Variants in CORIN observed in about 807,000 individuals in gnomAD.
CORIN encodes the protein corin, serine peptidase.
Under a neutral mutation model 125.3 loss-of-function variants are expected in CORIN, and 117 were observed. The ratio of observed to expected loss-of-function variants is 0.93; its 90% CI spans 0.80 to 1.09. The LOEUF is 1.09. CORIN is among the 50% of genes least tolerant of loss of function. The pLI is 0.00. For synonymous variants in CORIN, 450 were observed against 466.4 expected (o/e 0.96, Z 0.45); for missense variants, 1,253 against 1,306.7 (o/e 0.96, Z 0.63).
intron 3 of CORIN, among the ~76,000 whole-genome samples, chr4:47,785,679 C>T (rs1213872387): frequency 2.0e-5 from 3 of 151,992 alleles, no homozygotes; most frequent in African/African-American, 2.4e-5. Context: ...TTTGGGAGGC[C>T]GAGGCGGGTG....
chr4:47,789,348 T>G (rs1329318559), intron 2 of CORIN, among the ~76,000 whole-genome samples: 1 of 152,142 alleles, frequency 6.6e-6, no homozygotes, highest in Admixed American at 6.5e-5. Flanking sequence ...CTTCATAACA[T>G]CTGTTTATCC....
intron 2 of CORIN, among the ~76,000 whole-genome samples, chr4:47,788,116 G>A (rs1309658221): frequency 4.6e-5 from 7 of 152,252 alleles, no homozygotes; most frequent in East Asian, 1.9e-4. Flanking sequence ...AGCATGCCAC[G>A]AAAATAAATG....
chr4:47,649,160 T>C (rs758362447), intron 13 of CORIN, among the ~76,000 whole-genome samples: 4 of 152,240 alleles, frequency 2.6e-5, no homozygotes, highest in African/African-American at 9.6e-5. Flanking sequence ...GCCATTGTTA[T>C]GGCATGCTCT....
At chr4:47,692,908 T>A (rs767902749) in intron 6 of CORIN, 62 bp downstream of exon 6, 4 of 1,251,724 alleles carry the variant, frequency 3.2e-6, no homozygotes, top group Non-Finnish European at 4.7e-6. Flanking sequence ...CAAATGCTGA[T>A]GATTGTCAGG....
chr4:47,673,248 T>C (rs1724851536), intron 10 of CORIN, among the ~76,000 whole-genome samples: 1 of 151,782 alleles, frequency 6.6e-6, no homozygotes. Context: ...TGGTGGTGTG[T>C]GCCTATAATC....
At chr4:47,796,995 C>T (rs531703801) in intron 2 of CORIN, among the ~76,000 whole-genome samples, 1 of 152,002 alleles carries the variant, frequency 6.6e-6, no homozygotes, top group African/African-American at 2.4e-5. Flanking sequence ...TGTTTCATGC[C>T]TTCTTCCCTC....
At chr4:47,661,930 CAA>C (rs1331262854) in intron 11 of CORIN, 74 bp from the exon 12 acceptor site, 11 of 1,413,580 alleles carry the variant, frequency 7.8e-6, no homozygotes, top group African/African-American at 7.2e-5. Context: ...AAATTTATGT[CAA>C]GTTTTAATTC....
intron 2 of CORIN, among the ~76,000 whole-genome samples, chr4:47,798,168 A>G (rs1462939529): frequency 6.6e-6 from 1 of 152,084 alleles, no homozygotes; most frequent in Non-Finnish European, 1.5e-5. Context: ...ACAATTTACT[A>G]CTGCTTTCTT....
At chr4:47,680,586 G>C (rs1056121211) in intron 7 of CORIN, 1 of 223,432 alleles carries the variant, frequency 4.5e-6, no homozygotes, top group African/African-American at 2.3e-5. Context: ...TTTCTACCCT[G>C]GTTCAAAAAA....
intron 19 of CORIN, among the ~76,000 whole-genome samples, chr4:47,604,430 C>A (rs1354531543): frequency 6.6e-6 from 1 of 152,210 alleles, no homozygotes; most frequent in African/African-American, 2.4e-5. Context: ...AAATGTATAT[C>A]TCCAGCTCTG....
At chr4:47,605,251 C>G (rs1241163506) in intron 19 of CORIN, among the ~76,000 whole-genome samples, 1 of 152,164 alleles carries the variant, frequency 6.6e-6, no homozygotes, top group Non-Finnish European at 1.5e-5. Context: ...TGTCTATTCT[C>G]TGTCTTGGCC....
chr4:47,798,425 A>T (rs1560554013), intron 2 of CORIN, among the ~76,000 whole-genome samples: 2 of 152,290 alleles, frequency 1.3e-5, no homozygotes, highest in Middle Eastern at 3.4e-3. Context: ...AGCATCCCTT[A>T]GCAACCCTAA....
At chr4:47,798,221 C>T (rs1015545844) in intron 2 of CORIN, among the ~76,000 whole-genome samples, 1 of 152,156 alleles carries the variant, frequency 6.6e-6, no homozygotes, top group African/African-American at 2.4e-5. Context: ...ACCCACCTCT[C>T]GTATCTTCAG....
At position 47,661,766 on chromosome 4, in the gene CORIN, A is replaced by C. The variant is rs750547952; in HGVS notation, c.1680T>G (p.Phe560Leu). Residue 560 changes from phenylalanine (F) to leucine (L), a missense_variant, in exon 12 of 22, where the codon TTT becomes TTG. Transcript: ENST00000273857. Reference sequence around the variant, plus strand: ...TTTGATTGTCTGAATTTTCCTCTGGAAATTGACTGCAATCTGTGTCTTCAG... The same window carrying C: ...TTTGATTGTCTGAATTTTCCTCTGGCAATTGACTGCAATCTGTGTCTTCAG... ...QWPEDTDCSQ[F>L]PEENSDNQTC... 1 of 1,613,774 alleles carries C rather than the reference A, an allele frequency of 6.2e-7. No individual in the cohort carries two copies. The highest frequency in any genetic ancestry group is 1.7e-5 in the Admixed American group (1 of 60,002).
rs570917563 is a variant in CORIN, at chr4:47,594,697, C to T, written c.*1024G>A. The T allele has an allele frequency of 1.1e-4, 17 of 152,120 alleles. No individual in the cohort carries two copies. In the East Asian group the frequency reaches 2.3e-3, roughly 21 times the overall value. The allele number at this position is 152,120 out of a possible 1,614,324, so 9.4% of individuals were successfully genotyped here. A position where few individuals can be genotyped will look rare whatever the true frequency, so the allele number is the denominator to read the frequency against. On this transcript the variant is annotated 3_prime_UTR_variant, in exon 22 of 22. Transcript: ENST00000273857. ...AAACTGAAAAATAAATTTAATTAAACGAGGGATGCAAATTAATTTTCTTTT... is the reference window on the plus strand; with the variant it reads ...AAACTGAAAAATAAATTTAATTAAATGAGGGATGCAAATTAATTTTCTTTT...
In CORIN at chr4:47,794,526, G is replaced by A. The variant is rs532156271; in HGVS notation, c.209-7601C>T. Among the ~76,000 whole-genome samples the A allele has an allele frequency of 2.6e-5, 4 of 152,142 alleles. No homozygotes were observed. In the East Asian group the frequency reaches 5.8e-4, roughly 22 times the overall value. Reference sequence around the variant, plus strand: ...TGTAATTTTAAGCTAGTTTTCATAAGCTTATGGCTAAAATAAATTTGTTTT... The same window carrying A: ...TGTAATTTTAAGCTAGTTTTCATAAACTTATGGCTAAAATAAATTTGTTTT... On this transcript the variant is annotated intron_variant, in intron 2 of 21. Transcript: ENST00000273857.
chr4:47,719,381 G>A lies in CORIN; in HGVS notation c.799+25021C>T, dbSNP rs1190108320. On this transcript the variant is annotated intron_variant, in intron 5 of 21. Coordinates refer to ENST00000273857, the MANE Select transcript of CORIN (RefSeq NM_006587.4). Reference sequence around the variant, plus strand: ...CATAGCAGGCTCTCCGTACATATTTGTTATATAAATGAATAGTGCATAGTT... The same window carrying A: ...CATAGCAGGCTCTCCGTACATATTTATTATATAAATGAATAGTGCATAGTT... 2.0e-5 allele frequency among the ~76,000 whole-genome samples: 3 copies of A among 152,094 alleles called. No individual in the cohort carries two copies. The South Asian group carries it at 6.2e-4, about 32-fold the overall frequency.
chr4:47,805,148 A>AATAAT (rs1553919340), intron 2 of CORIN, among the ~76,000 whole-genome samples: 375 of 129,134 alleles, frequency 2.9e-3, no homozygotes, highest in African/African-American at 9.9e-3. Flanking sequence ...AAAAAAAAAA[A>AATAAT]AATAATAATA....
chr4:47,618,306 C>T (rs1424522237), intron 19 of CORIN, among the ~76,000 whole-genome samples: 2 of 139,530 alleles, frequency 1.4e-5, no homozygotes, highest in East Asian at 2.2e-4. Context: ...TTCACTCCAG[C>T]TTGGGCAACA....
Sources: allele counts gnomAD v4.1 joint callset (sites outside exome capture counted in the v4.1 genomes callset), GRCh38; gene constraint gnomAD v4.1.1; transcripts MANE v1.5; gene names NCBI Gene and HGNC (gene_info 2026-07-23, HGNC 2026-07-21).